Variants in NPL observed in about 807,000 individuals in gnomAD.
NPL encodes the protein N-acetylneuraminate pyruvate lyase.
NPL carries 32 observed loss-of-function variants against 41.1 expected under a neutral mutation model. That is an observed-to-expected ratio of 0.78 (90% CI 0.59 to 1.05). NPL has a LOEUF of 1.05. Ranked by LOEUF, NPL falls within the 50% of genes least tolerant of loss-of-function variation. The pLI, the probability that NPL is intolerant of heterozygous loss-of-function variation, is 0.00. For missense variants in NPL, 321 were observed against 378.4 expected (o/e 0.85, Z 1.26); for synonymous variants, 128 against 134.9 (o/e 0.95, Z 0.35).
Position 182,806,190 on chromosome 1 carries a change from G to T in NPL, c.188G>T (p.Arg63Leu). 1 of 1,614,202 alleles carries T rather than the reference G, an allele frequency of 6.2e-7. No homozygotes were observed. The highest frequency in any genetic ancestry group is 1.7e-5 in the Admixed American group (1 of 60,024). ...GGCCTGTCCCTGAGCGTCTCAGAGC[G>T]TCGCCAGGTTGCAGAGGAGTGGGTG... is the stretch of plus-strand genomic sequence containing the variant. ...GEGLSLSVSE[R>L]RQVAEEWVTK... The change falls in exon 5 of 13, where the codon CGT (arginine) becomes CTT (leucine). Residue 63 changes from arginine to leucine, a missense_variant. Arg to Leu is a moderately radical substitution (Grantham distance 102). Coordinates refer to ENST00000367553, the MANE Select transcript of NPL (RefSeq NM_030769.3).
chr1:182,806,230 CAAGT>C lies in NPL; in HGVS notation c.229_230+2del, dbSNP rs774121896. ...AGGAGTGGGTGACAAAAGGGAAGGACAAGTGAGTGGCTGCATGAGGATAAAAATG... is the reference window on the plus strand; with the variant it reads ...AGGAGTGGGTGACAAAAGGGAAGGACGAGTGGCTGCATGAGGATAAAAATG... On this transcript the variant is annotated splice_donor_variant and coding_sequence_variant, in exon 5 of 13. Coordinates refer to ENST00000367553, the MANE Select transcript of NPL (RefSeq NM_030769.3). LOFTEE classifies it high-confidence loss of function. 3 of 1,614,184 alleles carry C rather than the reference CAAGT, an allele frequency of 1.9e-6. No homozygotes were observed. Among genetic ancestry groups the C allele is most frequent in the Non-Finnish European group, 8.5e-7 (1 of 1,180,040 alleles).
At chr1:182,804,854 G>A (rs895271180) in intron 4 of NPL, among the ~76,000 whole-genome samples, 7 of 152,292 alleles carry the variant, frequency 4.6e-5, no homozygotes, top group East Asian at 1.9e-4. Flanking sequence ...CCTCTACAGC[G>A]CTAAGCCATA....
At chr1:182,812,267 G>A in intron 6 of NPL, 54 bp downstream of exon 6, 1 of 1,491,150 alleles carries the variant, frequency 6.7e-7, no homozygotes, top group Non-Finnish European at 9.4e-7. Context: ...CCATTTTTAT[G>A]CCGCAGTTAA....
chr1:182,826,036 C>T lies in NPL; in HGVS notation c.778+216C>T, dbSNP rs574329407. On this transcript the variant is annotated intron_variant, in intron 12 of 12. Coordinates refer to ENST00000367553, the MANE Select transcript of NPL (RefSeq NM_030769.3). ...GCAACCTTCTCCATTTTAGCACATGCCTACCCCATTTTCCATTCTTTCTCT... is the reference window on the plus strand; with the variant it reads ...GCAACCTTCTCCATTTTAGCACATGTCTACCCCATTTTCCATTCTTTCTCT... The T allele has an allele frequency of 4.1e-5, 25 of 606,994 alleles. No homozygotes were observed. The South Asian group carries it at 4.5e-4, about 11-fold the overall frequency. The allele number at this position is 606,994 out of a possible 1,614,324, so 37.6% of individuals were successfully genotyped here. A position where few individuals can be genotyped will look rare whatever the true frequency, so the allele number is the denominator to read the frequency against.
intron 8 of NPL, among the ~76,000 whole-genome samples, chr1:182,817,112 G>A (rs1262132033): frequency 6.6e-6 from 1 of 152,136 alleles, no homozygotes; most frequent in Non-Finnish European, 1.5e-5. Context: ...GAGTCTGTAA[G>A]CCTCACTAGG....
At chr1:182,806,336 G>A (rs1261047700) in intron 5 of NPL, 104 bp downstream of exon 5, 1 of 1,566,106 alleles carries the variant, frequency 6.4e-7, no homozygotes, top group Non-Finnish European at 8.7e-7. Context: ...CAGAGCCGGG[G>A]CTTGAGGTCA....
At chr1:182,811,277 G>C (rs1365954607) in intron 5 of NPL, among the ~76,000 whole-genome samples, 1 of 151,880 alleles carries the variant, frequency 6.6e-6, no homozygotes, top group African/African-American at 2.4e-5. Context: ...TGCCCAGCCT[G>C]GGGTGCAGTG....
intron 10 of NPL, among the ~76,000 whole-genome samples, chr1:182,819,808 G>T (rs1170568932): frequency 1.3e-5 from 2 of 152,232 alleles, no homozygotes; most frequent in African/African-American, 4.8e-5. Flanking sequence ...TTCTATCTTT[G>T]TCAGAACTTA....
At chr1:182,805,241 C>T (rs185296535) in intron 4 of NPL, among the ~76,000 whole-genome samples, 3 of 151,918 alleles carry the variant, frequency 2.0e-5, no homozygotes, top group Admixed American at 6.5e-5. Context: ...ACCAGCCTGC[C>T]CAACATGGCA....
At chr1:182,790,831 C>T (rs1224097194) in intron 1 of NPL, among the ~76,000 whole-genome samples, 1 of 152,012 alleles carries the variant, frequency 6.6e-6, no homozygotes, top group East Asian at 1.9e-4. Context: ...TTAGTAGAGA[C>T]GGGGTTTGGC....
chr1:182,827,642 G>A (rs1667665500), intron 12 of NPL, among the ~76,000 whole-genome samples: 1 of 151,672 alleles, frequency 6.6e-6, no homozygotes, highest in South Asian at 2.1e-4. Context: ...ATTTCTTGTT[G>A]TTTTATACTC....
At chr1:182,795,412 GAGGCAAA>G (rs1666633250) in intron 3 of NPL, among the ~76,000 whole-genome samples, 1 of 152,208 alleles carries the variant, frequency 6.6e-6, no homozygotes, top group Non-Finnish European at 1.5e-5. Context: ...TCATAAGGCA[GAGGCAAA>G]AGGAAGATGT....
At chr1:182,806,444 C>T in intron 5 of NPL, 1 of 1,536,918 alleles carries the variant, frequency 6.5e-7, no homozygotes, top group African/African-American at 1.4e-5. Context: ...GCTAGACACA[C>T]CTGCCACCCA....
At chr1:182,800,124 G>A (rs774476242) in intron 3 of NPL, among the ~76,000 whole-genome samples, 4 of 152,080 alleles carry the variant, frequency 2.6e-5, no homozygotes, top group Non-Finnish European at 5.9e-5. Context: ...GGTACCATCA[G>A]AGTAGGGTGG....
intron 11 of NPL, among the ~76,000 whole-genome samples, chr1:182,823,946 G>A (rs946479749): frequency 2.0e-5 from 3 of 152,210 alleles, no homozygotes; most frequent in Non-Finnish European, 4.4e-5. Context: ...AAGAAAGCAC[G>A]TGTGAGTGAG....
chr1:182,823,978 T>G (rs1667560594), intron 11 of NPL, among the ~76,000 whole-genome samples: 1 of 152,234 alleles, frequency 6.6e-6, no homozygotes, highest in South Asian at 2.1e-4. Flanking sequence ...CAGTACATAA[T>G]TTCAGTAAAG....
intron 10 of NPL, among the ~76,000 whole-genome samples, chr1:182,819,463 T>C (rs369166120): frequency 9.7e-4 from 146 of 150,098 alleles, no homozygotes; most frequent in Non-Finnish European, 1.6e-3. Context: ...AAAAAAAAAT[T>C]AGCCAGGCGT....
chr1:182,819,089 G>A (rs1667417470), intron 10 of NPL, among the ~76,000 whole-genome samples: 1 of 152,226 alleles, frequency 6.6e-6, no homozygotes, highest in Admixed American at 6.5e-5. Flanking sequence ...GGAGGCCAAG[G>A]TGGGCAGATC....
At chr1:182,808,856 G>A (rs150779260) in intron 5 of NPL, among the ~76,000 whole-genome samples, 4,004 of 151,954 alleles carry the variant, frequency 0.026, 92 homozygotes, top group Admixed American at 0.049. Context: ...CCACTTGGGA[G>A]GCTGAGGCAG....
Sources: gnomAD v4.1 joint callset for allele counts (sites outside exome capture counted in the v4.1 genomes callset) on GRCh38, gnomAD v4.1.1 for gene constraint, MANE v1.5 for transcripts, NCBI Gene and HGNC (gene_info 2026-07-23, HGNC 2026-07-21) for gene names.